Variants in LINC00305 observed in about 807,000 individuals in gnomAD.
The protein encoded by LINC00305 is long independently transcribed non-coding RNA 305, also known as long intergenic non-protein coding RNA 305.
intron 1 of LINC00305, among the ~76,000 whole-genome samples, chr18:64,119,634 T>C (rs11152421): frequency 0.16 from 24,795 of 152,052 alleles, 2,110 homozygotes; most frequent in African/African-American, 0.19. Flanking sequence ...TTTATTTTGA[T>C]TGAAAATTAC....
chr18:64,085,708 G>A (rs1416814018), intron 3 of LINC00305, among the ~76,000 whole-genome samples: 3 of 152,140 alleles, frequency 2.0e-5, no homozygotes, highest in Non-Finnish European at 4.4e-5. Flanking sequence ...TGATCCACCC[G>A]CCTCTGCCTC....
At chr18:64,120,962 AT>A (rs2051359168) in intron 1 of LINC00305, among the ~76,000 whole-genome samples, 1 of 152,182 alleles carries the variant, frequency 6.6e-6, no homozygotes, top group African/African-American at 2.4e-5. Context: ...AAGATTACTC[AT>A]AGGCATGTGC....
intron 1 of LINC00305, among the ~76,000 whole-genome samples, chr18:64,146,432 A>C (rs1262018888): frequency 2.0e-5 from 3 of 152,144 alleles, no homozygotes; most frequent in Non-Finnish European, 4.4e-5. Context: ...TTGTTGTAAG[A>C]AGTAGCTTAA....
intron 1 of LINC00305, among the ~76,000 whole-genome samples, chr18:64,146,339 TTAAAACTG>T (rs2051498132): frequency 6.6e-6 from 1 of 152,228 alleles, no homozygotes; most frequent in Non-Finnish European, 1.5e-5. Flanking sequence ...TTATGAATTT[TTAAAACTG>T]TAACCGTATT....
chr18:64,132,484 T>C (rs1379956230), intron 1 of LINC00305, among the ~76,000 whole-genome samples: 1 of 152,164 alleles, frequency 6.6e-6, no homozygotes, highest in African/African-American at 2.4e-5. Context: ...TACGTCACCT[T>C]GTATAAACCT....
chr18:64,110,760 C>T (rs1005333296), intron 1 of LINC00305, among the ~76,000 whole-genome samples: 1 of 152,114 alleles, frequency 6.6e-6, no homozygotes, highest in Non-Finnish European at 1.5e-5. Context: ...ATAAAATAAA[C>T]AACAAAAGAG....
chr18:64,095,969 A>G (rs968592647), intron 3 of LINC00305, among the ~76,000 whole-genome samples: 1 of 152,128 alleles, frequency 6.6e-6, no homozygotes, highest in Non-Finnish European at 1.5e-5. Context: ...AACATTTGGA[A>G]TTTCAACAAT....
chr18:64,113,597 C>G (rs548195425), intron 1 of LINC00305, among the ~76,000 whole-genome samples: 2 of 152,122 alleles, frequency 1.3e-5, no homozygotes, highest in Non-Finnish European at 2.9e-5. Flanking sequence ...TGAGGAGACA[C>G]GCTTTCTGCT....
At chr18:64,121,310 C>G (rs934912802) in intron 1 of LINC00305, among the ~76,000 whole-genome samples, 2 of 151,954 alleles carry the variant, frequency 1.3e-5, no homozygotes, top group Admixed American at 1.3e-4. Context: ...ATAACGTACG[C>G]TGTACCCCAA....
intron 1 of LINC00305, among the ~76,000 whole-genome samples, chr18:64,130,557 C>T (rs1568115662): frequency 6.6e-6 from 1 of 152,022 alleles, no homozygotes. Flanking sequence ...ATTTTACTTA[C>T]CTTATGCATT....
intron 3 of LINC00305, among the ~76,000 whole-genome samples, chr18:64,081,788 G>A (rs1192560971): frequency 1.3e-5 from 2 of 152,150 alleles, no homozygotes; most frequent in African/African-American, 2.4e-5. Flanking sequence ...CATCTGGGGC[G>A]ACAGCTAGCC....
intron 1 of LINC00305, among the ~76,000 whole-genome samples, chr18:64,125,562 T>G (rs1568114217): frequency 6.6e-6 from 1 of 152,166 alleles, no homozygotes; most frequent in Non-Finnish European, 1.5e-5. Flanking sequence ...TGTCGCAATT[T>G]TTTTTTACTT....
chr18:64,090,575 C>T (rs981403765), intron 3 of LINC00305, among the ~76,000 whole-genome samples: 1 of 152,140 alleles, frequency 6.6e-6, no homozygotes, highest in Non-Finnish European at 1.5e-5. Context: ...GTGCCACTAG[C>T]GATCACTTGC....
At chr18:64,105,065 C>G (rs1293665486) in intron 1 of LINC00305, among the ~76,000 whole-genome samples, 1 of 152,038 alleles carries the variant, frequency 6.6e-6, no homozygotes, top group African/African-American at 2.4e-5. Context: ...TTTGGGTGCT[C>G]TAAGACCTCA....
intron 3 of LINC00305, among the ~76,000 whole-genome samples, chr18:64,088,506 G>A (rs1377830076): frequency 6.6e-6 from 1 of 152,194 alleles, no homozygotes; most frequent in Admixed American, 6.5e-5. Flanking sequence ...TTGTTGAGGG[G>A]TGCCTGCCTT....
chr18:64,130,044 A>G lies in LINC00305; in HGVS notation n.314+18731T>C, dbSNP rs1301656814. 3.3e-5 allele frequency among the ~76,000 whole-genome samples: 5 copies of G among 151,450 alleles called. No individual in the cohort carries two copies. In the South Asian group the frequency reaches 6.3e-4, roughly 19 times the overall value. ...TGTGCACAACGTGCAGGTTTGTTAC[A>G]TATGTATACATGTGCCATGTTGGTG... is the stretch of plus-strand genomic sequence containing the variant. On this transcript the variant is annotated intron_variant and non_coding_transcript_variant, in intron 1 of 3. Coordinates refer to ENST00000666468, the Ensembl canonical transcript of LINC00305.
At chr18:64,127,237 T>C (rs1261383772) in intron 1 of LINC00305, 4 of 152,130 alleles carry the variant, frequency 2.6e-5, no homozygotes. Context: ...TAATATACTT[T>C]CTATAGTTCT....
At chr18:64,139,776 A>G (rs72949540) in intron 1 of LINC00305, among the ~76,000 whole-genome samples, 10,734 of 152,156 alleles carry the variant, frequency 0.071, 559 homozygotes, top group Non-Finnish European at 0.12. Context: ...GCAGGTCTAG[A>G]AGTTGTCCTT....
chr18:64,109,540 C>T (rs1459847787), intron 1 of LINC00305, among the ~76,000 whole-genome samples: 2 of 152,178 alleles, frequency 1.3e-5, no homozygotes, highest in Admixed American at 6.5e-5. Flanking sequence ...GCCATTTATT[C>T]ATTGTCATCA....
Sources: allele counts gnomAD v4.1 joint callset (sites outside exome capture counted in the v4.1 genomes callset), GRCh38; gene constraint gnomAD v4.1.1; transcripts MANE v1.5; gene names NCBI Gene and HGNC (gene_info 2026-07-23, HGNC 2026-07-21).